ENOX1: variants seen among roughly 807,000 people sequenced by gnomAD.
ENOX1 encodes candidate growth-related and time keeping constitutive hydroquinone (NADH) oxidase.
In ENOX1, 42 loss-of-function variants were observed where a neutral mutation model predicts 82.5. The ratio of observed to expected loss-of-function variants is 0.51; its 90% confidence interval spans 0.40 to 0.66. The LOEUF (loss-of-function observed/expected upper bound fraction) is 0.66. Ranked by LOEUF, ENOX1 falls within the 30% of genes least tolerant of loss-of-function variation. The pLI is 0.00. For missense variants in ENOX1, 608 were observed against 811.6 expected (o/e 0.75, Z 3.05); for synonymous variants, 271 against 282.2 (o/e 0.96, Z 0.40).
chr13:43,687,507 C>G (rs2086138063), intron 1 of ENOX1, among the ~76,000 whole-genome samples: 1 of 152,180 alleles, frequency 6.6e-6, no homozygotes, highest in South Asian at 2.1e-4. Context: ...ACCCACCAAG[C>G]CAGCCTATTT....
intron 2 of ENOX1, among the ~76,000 whole-genome samples, chr13:43,582,473 T>C (rs1432842831): frequency 6.6e-6 from 1 of 152,122 alleles, no homozygotes; most frequent in Admixed American, 6.6e-5. Flanking sequence ...TGGTACCTAA[T>C]TAGTTCACCA....
intron 12 of ENOX1, among the ~76,000 whole-genome samples, chr13:43,274,442 G>T (rs1015601899): frequency 3.9e-5 from 6 of 152,160 alleles, no homozygotes; most frequent in Non-Finnish European, 7.3e-5. Context: ...GTGACTAGAG[G>T]TCCTATAAAA....
At chr13:43,390,409 T>C (rs963742212) in intron 5 of ENOX1, among the ~76,000 whole-genome samples, 4 of 152,140 alleles carry the variant, frequency 2.6e-5, no homozygotes, top group African/African-American at 9.7e-5. Flanking sequence ...CCTGCAAAAA[T>C]TTAGTAAGTT....
intron 1 of ENOX1, among the ~76,000 whole-genome samples, chr13:43,756,295 C>T (rs1017638629): frequency 2.9e-4 from 44 of 152,032 alleles, no homozygotes; most frequent in African/African-American, 9.9e-4. Flanking sequence ...CCTGTGGTGG[C>T]TCATGCCTGC....
intron 11 of ENOX1, among the ~76,000 whole-genome samples, chr13:43,315,638 G>A (rs2047435265): frequency 6.6e-6 from 1 of 152,164 alleles, no homozygotes; most frequent in Non-Finnish European, 1.5e-5. Flanking sequence ...TTAACATCCT[G>A]TCAGAATGAG....
At chr13:43,420,713 T>C (rs1239432793) in intron 3 of ENOX1, among the ~76,000 whole-genome samples, 1 of 152,172 alleles carries the variant, frequency 6.6e-6, no homozygotes, top group Non-Finnish European at 1.5e-5. Context: ...AAGCATACAG[T>C]GTAAATCTCT....
At chr13:43,465,625 C>T (rs976798363) in intron 3 of ENOX1, among the ~76,000 whole-genome samples, 12 of 152,044 alleles carry the variant, frequency 7.9e-5, no homozygotes, top group African/African-American at 2.9e-4. Context: ...CTCCCAGGCC[C>T]CCTCAGCAGA....
chr13:43,396,048 TC>T (rs2053124838), intron 5 of ENOX1, among the ~76,000 whole-genome samples: 1 of 152,160 alleles, frequency 6.6e-6, no homozygotes, highest in Non-Finnish European at 1.5e-5. Flanking sequence ...GATAAGAAAA[TC>T]TCTACTTGTG....
chr13:43,576,125 G>C (rs921643912), intron 2 of ENOX1, among the ~76,000 whole-genome samples: 1 of 152,166 alleles, frequency 6.6e-6, no homozygotes, highest in African/African-American at 2.4e-5. Flanking sequence ...AGCAACCAGA[G>C]TTAATTGTTT....
intron 2 of ENOX1, among the ~76,000 whole-genome samples, chr13:43,635,424 A>T (rs79298668): frequency 6.6e-6 from 1 of 152,224 alleles, no homozygotes; most frequent in African/African-American, 2.4e-5. Context: ...AATTGTATTA[A>T]TTACTCAGCA....
chr13:43,617,921 G>A (rs2082554440), intron 2 of ENOX1, among the ~76,000 whole-genome samples: 2 of 151,920 alleles, frequency 1.3e-5, no homozygotes, highest in East Asian at 3.9e-4. Flanking sequence ...TGTTGTTATG[G>A]CCATTCTTGC....
intron 2 of ENOX1, among the ~76,000 whole-genome samples, chr13:43,541,659 T>C (rs1347574405): frequency 6.6e-6 from 1 of 152,214 alleles, no homozygotes; most frequent in East Asian, 1.9e-4. Flanking sequence ...GTATTGCATT[T>C]TCACAAGAAA....
chr13:43,757,660 C>T (rs1465421645), intron 1 of ENOX1, among the ~76,000 whole-genome samples: 1 of 152,172 alleles, frequency 6.6e-6, no homozygotes. Context: ...AAAATGACAA[C>T]ACCAAATGTT....
chr13:43,410,101 A>G (rs2054032828), intron 5 of ENOX1, among the ~76,000 whole-genome samples: 1 of 152,184 alleles, frequency 6.6e-6, no homozygotes, highest in South Asian at 2.1e-4. Context: ...AAAATCATAA[A>G]TTGGTCATGG....
intron 1 of ENOX1, among the ~76,000 whole-genome samples, chr13:43,704,556 G>A (rs545678822): frequency 6.6e-6 from 1 of 152,244 alleles, no homozygotes; most frequent in East Asian, 1.9e-4. Context: ...AATCCAGTCT[G>A]GTTAGTATGA....
chr13:43,231,110 G>A (rs2042259341), intron 15 of ENOX1, among the ~76,000 whole-genome samples: 1 of 152,144 alleles, frequency 6.6e-6, no homozygotes, highest in Non-Finnish European at 1.5e-5. Flanking sequence ...GGGCTTTCCA[G>A]AGACCTTGGC....
At chr13:43,222,377 T>C (rs2041834369) in intron 16 of ENOX1, among the ~76,000 whole-genome samples, 1 of 142,324 alleles carries the variant, frequency 7.0e-6, no homozygotes, top group Admixed American at 7.2e-5. Context: ...CAGGAGATGA[T>C]TTTACACACA....
chr13:43,581,193 CG>C (rs1157186370), intron 2 of ENOX1, among the ~76,000 whole-genome samples: 8 of 120,042 alleles, frequency 6.7e-5, no homozygotes, highest in African/African-American at 2.2e-4. Context: ...AGTGCAGTGG[CG>C]GGATCTCGGC....
chr13:43,754,094 ATATG>A (rs1285631005), intron 1 of ENOX1, among the ~76,000 whole-genome samples: 45 of 142,852 alleles, frequency 3.2e-4, no homozygotes, highest in African/African-American at 7.4e-4. Context: ...ATATACGTAT[ATATG>A]TATACGTATA....
Sources: allele counts gnomAD v4.1 joint callset (sites outside exome capture counted in the v4.1 genomes callset), GRCh38; gene constraint gnomAD v4.1.1; transcripts MANE v1.5; gene names NCBI Gene and HGNC (gene_info 2026-07-23, HGNC 2026-07-21).